The following GP5 variants were observed in gnomAD, a reference collection of about 807,000 sequenced individuals.
GP5 encodes glycoprotein V platelet.
For missense variants in GP5, 755 were observed against 737.1 expected (o/e 1.02, Z -0.28); for synonymous variants, 382 against 353.9 (o/e 1.08, Z -0.89).
chr3:194,398,069 C>A lies in GP5; in HGVS notation c.214G>T (p.Gly72Cys), dbSNP rs541888716. The change falls in exon 2 of 2, where the codon GGC becomes TGC. Residue 72 changes from glycine (G) to cysteine (C), a missense_variant. Physicochemically the swap from Gly to Cys is radical, Grantham distance 159. Coordinates refer to ENST00000692618, the MANE Select transcript of GP5 (RefSeq NM_004488.2). ...RGVLQSQSFS[G>C]MTVLQRLMIS... ...ATGAGGCGCTGCAGGACGGTCATGC[C>A]GCTGAAGCTCTGGCTCTGCAGGACG... 1.2e-5 allele frequency: 20 copies of A among 1,613,912 alleles called. No homozygotes were observed. Among genetic ancestry groups the A allele is most frequent in the African/African-American group, 1.2e-4 (9 of 75,046 alleles).
chr3:194,398,488 T>C (rs1714529116), intron 1 of GP5: 1 of 558,234 alleles, frequency 1.8e-6, no homozygotes, highest in Non-Finnish European at 3.2e-6. Context: ...TTTATTGATT[T>C]TCCACTCTCA....
chr3:194,397,283 C>T lies in GP5; in HGVS notation c.1000G>A (p.Ala334Thr). The T allele has an allele frequency of 1.3e-6, 2 of 1,580,196 alleles. No individual in the cohort carries two copies. The highest frequency in any genetic ancestry group is 1.7e-6 in the Non-Finnish European group (2 of 1,170,924). Residue 334 changes from alanine to threonine, a missense_variant, in exon 2 of 2, where the codon GCC (alanine) becomes ACC (threonine). Coordinates refer to ENST00000692618, the MANE Select transcript of GP5 (RefSeq NM_004488.2). The surrounding 1 kb of genome is among the most constrained non-coding windows in gnomAD (Gnocchi z 7.2). ...SPRLSALPQGAFQGLGELQVL... is the reference protein window; with the variant it reads ...SPRLSALPQGTFQGLGELQVL... ...TGGAGCTCGCCAAGGCCCTGGAAGGCGCCCTGCGGAAGCGCGCTCAGCCGC... is the reference window on the plus strand; with the variant it reads ...TGGAGCTCGCCAAGGCCCTGGAAGGTGCCCTGCGGAAGCGCGCTCAGCCGC...
chr3:194,397,704 C>T lies in GP5; in HGVS notation c.579G>A (p.Gln193=), dbSNP rs200544767. ...GGAGCAGAAGTCTCTCGAGCTTAGC[C>T]TGTGCTCCAAGCAACCCCTTGGGCA... ...THLPKGLLGA[Q]AKLERLLLHS... The change falls in exon 2 of 2, where the codon CAG becomes CAA. Residue 193 remains glutamine (Q), a synonymous_variant. Coordinates refer to ENST00000692618, the MANE Select transcript of GP5 (RefSeq NM_004488.2). The surrounding 1 kb of genome is among the most constrained non-coding windows in gnomAD (Gnocchi z 7.2). The T allele has an allele frequency of 6.2e-6, 10 of 1,614,066 alleles. No individual in the cohort carries two copies. In the African/African-American group the frequency reaches 1.2e-4, roughly 19 times the overall value.
At position 194,397,586 on chromosome 3, in the gene GP5, T is replaced by C. The variant is rs1381295768; in HGVS notation, c.697A>G (p.Ile233Val). ...AGCCGGTCGAAGGCCCCGGGTGCGA[T>C]GGAACGGATGTGATTTCGGTGGAAC... The part of the protein sequence containing the change: ...LQFHRNHIRS[I>V]APGAFDRLPN... The change falls in exon 2 of 2, where the codon ATC (isoleucine) becomes GTC (valine). Residue 233 changes from isoleucine (I) to valine (V), a missense_variant. Transcript: ENST00000692618. The surrounding 1 kb of genome is among the most constrained non-coding windows in gnomAD (Gnocchi z 7.2). The C allele has an allele frequency of 3.7e-6, 6 of 1,614,034 alleles. No individual in the cohort carries two copies. In the Admixed American group the frequency reaches 1.0e-4, roughly 27 times the overall value.
In GP5 at chr3:194,397,168, C is replaced by A. The variant is rs934761266; in HGVS notation, c.1115G>T (p.Arg372Leu). ...ACGGGGCAGGGCGCGCAGCCTGTTG[C>A]GGCGCAGGGACACCTGGCGCAGCTT... ...LGKLRQVSLRRNRLRALPRAL... is the reference protein window; with the variant it reads ...LGKLRQVSLRLNRLRALPRAL... Residue 372 changes from arginine to leucine, a missense_variant, in exon 2 of 2, where the codon CGC becomes CTC. Transcript: ENST00000692618. This position sits in a 1 kb window ranked among gnomAD's most constrained non-coding sequence, Gnocchi z 7.2. 3 of 1,578,520 alleles carry A rather than the reference C, an allele frequency of 1.9e-6. No individual in the cohort carries two copies. Among genetic ancestry groups the A allele is most frequent in the African/African-American group, 2.7e-5 (2 of 74,530 alleles).
At position 194,395,212 on chromosome 3, in the gene GP5, T is replaced by A. The variant is rs1714423159; in HGVS notation, c.*1388A>T. 6.6e-6 allele frequency: 1 copy of A among 152,220 alleles called. No individual in the cohort carries two copies. Among genetic ancestry groups the A allele is most frequent in the South Asian group, 2.1e-4 (1 of 4,832 alleles). The allele number at this position is 152,220 out of a possible 1,614,324, so 9.4% of individuals were successfully genotyped here. On this transcript the variant is annotated 3_prime_UTR_variant, in exon 2 of 2. Coordinates refer to ENST00000692618, the MANE Select transcript of GP5 (RefSeq NM_004488.2). The stretch of plus-strand genomic sequence containing the variant: ...AAAGTCCCATGCAGTTAGTAAGTGG[T>A]AGAGCTGGGATTTGAACCCACAGTT...
At position 194,397,564 on chromosome 3, in the gene GP5, C is replaced by A. The variant is rs145481862; in HGVS notation, c.719G>T (p.Arg240Leu). 2.5e-6 allele frequency: 4 copies of A among 1,614,064 alleles called. No individual in the cohort carries two copies. Among genetic ancestry groups the A allele is most frequent in the Middle Eastern group, 3.3e-4 (2 of 6,062 alleles). The part of the protein sequence containing the change: ...IRSIAPGAFD[R>L]LPNLSSLTLS... ...CGTCAAAGAACTGAGGTTTGGGAGC[C>A]GGTCGAAGGCCCCGGGTGCGATGGA... The change falls in exon 2 of 2, where the codon CGG becomes CTG. Residue 240 changes from arginine (R) to leucine (L), a missense_variant. Transcript: ENST00000692618. The surrounding 1 kb of genome is among the most constrained non-coding windows in gnomAD (Gnocchi z 7.2).
Position 194,396,931 on chromosome 3 carries a change from C to T in GP5, c.1352G>A (p.Cys451Tyr), listed in dbSNP as rs1714474341. 1 of 1,532,150 alleles carries T rather than the reference C, an allele frequency of 6.5e-7. No individual in the cohort carries two copies. Among genetic ancestry groups the T allele is most frequent in the Admixed American group, 2.0e-5 (1 of 50,312 alleles). 94.9% of individuals were successfully genotyped at this position (1,532,150 alleles called of 1,614,324 possible). ...GLVGGEEPPR[C>Y]AGPGAHAGLP... The stretch of plus-strand genomic sequence containing the variant: ...GCCGGCGTGCGCCCCAGGGCCTGCG[C>T]ACCGTGGGGGCTCTTCCCCGCCCAC... The change falls in exon 2 of 2, where the codon TGC becomes TAC. Residue 451 changes from cysteine to tyrosine, a missense_variant. Cys to Tyr is a radical substitution (Grantham distance 194, BLOSUM62 -2). Coordinates refer to ENST00000692618, the MANE Select transcript of GP5 (RefSeq NM_004488.2).
Position 194,398,337 on chromosome 3 carries a change from T to C in GP5, c.-2-53A>G, listed in dbSNP as rs1000476106. On this transcript the variant is annotated intron_variant, in intron 1 of 1. Coordinates refer to ENST00000692618, the MANE Select transcript of GP5 (RefSeq NM_004488.2). ...CAACACACAGGAGCGTTCGCGCCTG[T>C]ACTGAACCCTGGGATCCTGCACTTT... 24 of 1,484,790 alleles carry C rather than the reference T, an allele frequency of 1.6e-5. No homozygotes were observed. In the Admixed American group the frequency reaches 5.6e-4, roughly 35 times the overall value. 92.0% of individuals were successfully genotyped at this position (1,484,790 alleles called of 1,614,324 possible). A position where few individuals can be genotyped will look rare whatever the true frequency, so the allele number is the denominator to read the frequency against.
chr3:194,398,065 A>G lies in GP5; in HGVS notation c.218T>C (p.Met73Thr), dbSNP rs763248310. ...GVLQSQSFSG[M>T]TVLQRLMISD... ...GATCATGAGGCGCTGCAGGACGGTC[A>G]TGCCGCTGAAGCTCTGGCTCTGCAG... Residue 73 changes from methionine (M) to threonine (T), a missense_variant, in exon 2 of 2, where the codon ATG becomes ACG. Met to Thr is a moderately conservative substitution (Grantham distance 81, BLOSUM62 -1). Transcript: ENST00000692618. The G allele has an allele frequency of 6.2e-7, 1 of 1,613,858 alleles. No individual in the cohort carries two copies. Among genetic ancestry groups the G allele is most frequent in the Non-Finnish European group, 8.5e-7 (1 of 1,179,958 alleles).
Position 194,395,878 on chromosome 3 carries a change from T to C in GP5, c.*722A>G, listed in dbSNP as rs1392595082. 1 of 152,202 alleles carries C rather than the reference T, an allele frequency of 6.6e-6. No homozygotes were observed. The highest frequency in any genetic ancestry group is 1.5e-5 in the Non-Finnish European group (1 of 68,090). 9.4% of individuals were successfully genotyped at this position (152,202 alleles called of 1,614,324 possible). Reference sequence around the variant, plus strand: ...ATATGGCAAAGCCCCGTCTCTACTTTAAAAAGTACAAAAATTAGCCGGGTG... The same window carrying C: ...ATATGGCAAAGCCCCGTCTCTACTTCAAAAAGTACAAAAATTAGCCGGGTG... On this transcript the variant is annotated 3_prime_UTR_variant, in exon 2 of 2. Coordinates refer to ENST00000692618, the MANE Select transcript of GP5 (RefSeq NM_004488.2).
chr3:194,396,601 T>TA lies in GP5; in HGVS notation c.1681dup (p.Ter561LeufsTer11). 6.2e-7 allele frequency: 1 copy of TA among 1,603,410 alleles called. No individual in the cohort carries two copies. The highest frequency in any genetic ancestry group is 8.5e-7 in the Non-Finnish European group (1 of 1,174,220). On this transcript the variant is annotated frameshift_variant and stop_lost, in exon 2 of 2. Coordinates refer to ENST00000692618, the MANE Select transcript of GP5 (RefSeq NM_004488.2). LOFTEE classifies it high-confidence loss of function. ...TAATTAGAAGATTTTCCCATTGGTTTACCCAAGGGCTCTCTCTCTGATTAA... is the reference window on the plus strand; with the variant it reads ...TAATTAGAAGATTTTCCCATTGGTTTAACCCAAGGGCTCTCTCTCTGATTAA...
rs949499114 is a variant in GP5 at position 194,397,821 on chromosome 3, G to A, written c.462C>T (p.Asn154=). The change falls in exon 2 of 2, where the codon AAC becomes AAT. Residue 154 remains asparagine, a synonymous_variant. Transcript: ENST00000692618. The surrounding 1 kb of genome is among the most constrained non-coding windows in gnomAD (Gnocchi z 7.2). Reference sequence around the variant, plus strand: ...CAGGAAGGAAATCGAGCTGATTCTGGTTCAGAGCGAGCTCCTGCAGGTTAA... The same window carrying A: ...CAGGAAGGAAATCGAGCTGATTCTGATTCAGAGCGAGCTCCTGCAGGTTAA... The part of the protein sequence containing the change: ...KLVNLQELAL[N]QNQLDFLPAS... The A allele has an allele frequency of 1.9e-6, 3 of 1,613,980 alleles. No homozygotes were observed. The highest frequency in any genetic ancestry group is 1.6e-4 in the Middle Eastern group (1 of 6,084).
At position 194,397,088 on chromosome 3, in the gene GP5, G is replaced by C. The variant is rs760150766; in HGVS notation, c.1195C>G (p.Leu399Val). 1 of 1,594,886 alleles carries C rather than the reference G, an allele frequency of 6.3e-7. No individual in the cohort carries two copies. Among genetic ancestry groups the C allele is most frequent in the Non-Finnish European group, 8.5e-7 (1 of 1,178,120 alleles). Residue 399 changes from leucine to valine, a missense_variant, in exon 2 of 2, where the codon CTG (leucine) becomes GTG (valine). Physicochemically the swap from Leu to Val is conservative, Grantham distance 32 (BLOSUM62 1). Coordinates refer to ENST00000692618, the MANE Select transcript of GP5 (RefSeq NM_004488.2). The surrounding 1 kb of genome is among the most constrained non-coding windows in gnomAD (Gnocchi z 7.2). ...LESVQLDHNQ[L>V]ETLPGDVFGA... ...AACACGTCGCCAGGCAGGGTCTCCA[G>C]CTGGTTGTGGTCGAGCTGGACGCTC...
intron 1 of GP5, among the ~76,000 whole-genome samples, 64 bp downstream of exon 1, chr3:194,399,174 A>G (rs1445557111): frequency 3.3e-5 from 5 of 152,178 alleles, no homozygotes; most frequent in Admixed American, 6.5e-5. Flanking sequence ...TTTACTTCTC[A>G]TGCACACACA....
Position 194,397,267 on chromosome 3 carries a change from CCAAGG to C in GP5, c.1011_1015del (p.Leu338ArgfsTer130). Reference sequence around the variant, plus strand: ...GTGCAGGGCGAGCACCTGGAGCTCGCCAAGGCCCTGGAAGGCGCCCTGCGGAAGCG... The same window carrying C: ...GTGCAGGGCGAGCACCTGGAGCTCGCCCCTGGAAGGCGCCCTGCGGAAGCG... On this transcript the variant is annotated frameshift_variant, in exon 2 of 2. Transcript: ENST00000692618. LOFTEE classifies it low-confidence loss of function (END_TRUNC). The surrounding 1 kb of genome is among the most constrained non-coding windows in gnomAD (Gnocchi z 7.2). The C allele has an allele frequency of 1.3e-6, 2 of 1,580,956 alleles. No individual in the cohort carries two copies. The highest frequency in any genetic ancestry group is 1.7e-6 in the Non-Finnish European group (2 of 1,171,496).
In GP5 at chr3:194,397,339, C is replaced by T. The variant is rs1382790957; in HGVS notation, c.944G>A (p.Arg315His). ...CAGAGTCACCCCTAAGTACCGCAGGCGGCTCAGGTTGCGGAAGGCGGCGGC... is the reference window on the plus strand; with the variant it reads ...CAGAGTCACCCCTAAGTACCGCAGGTGGCTCAGGTTGCGGAAGGCGGCGGC... ...LPAAAFRNLS[R>H]LRYLGVTLSP... The change falls in exon 2 of 2, where the codon CGC becomes CAC. Residue 315 changes from arginine to histidine, a missense_variant. Transcript: ENST00000692618. This position sits in a 1 kb window ranked among gnomAD's most constrained non-coding sequence, Gnocchi z 7.2. The T allele has an allele frequency of 1.2e-6, 2 of 1,600,062 alleles. No individual in the cohort carries two copies. Among genetic ancestry groups the T allele is most frequent in the African/African-American group, 1.3e-5 (1 of 74,802 alleles).
Position 194,397,325 on chromosome 3 carries a change from C to A in GP5, c.958G>T (p.Gly320Trp). Residue 320 changes from glycine to tryptophan, a missense_variant, in exon 2 of 2, where the codon GGG becomes TGG. Physicochemically the swap from Gly to Trp is radical, Grantham distance 184. Transcript: ENST00000692618. This position sits in a 1 kb window ranked among gnomAD's most constrained non-coding sequence, Gnocchi z 7.2. Reference protein sequence around the residue: ...FRNLSRLRYLGVTLSPRLSAL... With the variant: ...FRNLSRLRYLWVTLSPRLSAL... Reference sequence around the variant, plus strand: ...CTCAGCCGCGGGCTCAGAGTCACCCCTAAGTACCGCAGGCGGCTCAGGTTG... The same window carrying A: ...CTCAGCCGCGGGCTCAGAGTCACCCATAAGTACCGCAGGCGGCTCAGGTTG... 1 of 1,596,114 alleles carries A rather than the reference C, an allele frequency of 6.3e-7. No homozygotes were observed. Among genetic ancestry groups the A allele is most frequent in the Non-Finnish European group, 8.5e-7 (1 of 1,176,846 alleles).
Position 194,396,640 on chromosome 3 carries a change from T to G in GP5, c.1643A>C (p.Gln548Pro). 6.2e-7 allele frequency: 1 copy of G among 1,612,870 alleles called. No individual in the cohort carries two copies. The highest frequency in any genetic ancestry group is 8.5e-7 in the Non-Finnish European group (1 of 1,179,214). Reference protein sequence around the residue: ...IIVFAMIKIGQLFRKLIRERA... With the variant: ...IIVFAMIKIGPLFRKLIRERA... ...CTCTCTGATTAATTTTCGAAAGAGTTGGCCAATTTTAATCATAGCAAACAC... is the reference window on the plus strand; with the variant it reads ...CTCTCTGATTAATTTTCGAAAGAGTGGGCCAATTTTAATCATAGCAAACAC... The change falls in exon 2 of 2, where the codon CAA (glutamine) becomes CCA (proline). Residue 548 changes from glutamine to proline, a missense_variant. Transcript: ENST00000692618.
Sources: allele counts gnomAD v4.1 joint callset (sites outside exome capture counted in the v4.1 genomes callset), GRCh38; gene constraint gnomAD v4.1.1; non-coding constraint Gnocchi (gnomAD v3.1); transcripts MANE v1.5; gene names NCBI Gene and HGNC (gene_info 2026-07-23, HGNC 2026-07-21).